The following ZDHHC15 variants were observed in gnomAD, a reference collection of about 807,000 sequenced individuals.
ZDHHC15 encodes the protein palmitoyltransferase ZDHHC15.
Under a neutral mutation model 31.7 loss-of-function variants are expected in ZDHHC15, and 19 were observed. The observed-to-expected ratio is 0.60, with a 90% CI of 0.42 to 0.88. The LOEUF is 0.88. Among genes scored for constraint, ZDHHC15 ranks in the 40% least tolerant of loss-of-function variants. The pLI, the probability that ZDHHC15 is intolerant of heterozygous loss-of-function variation, is 0.00. For synonymous variants in ZDHHC15, 103 were observed against 90.0 expected (o/e 1.14, Z -0.82); for missense variants, 209 against 251.2 (o/e 0.83, Z 1.14).
At chrX:75,453,440 C>T (rs917584157) in intron 3 of ZDHHC15, among the ~76,000 whole-genome samples, 3 of 111,551 alleles carry the variant, frequency 2.7e-5, no homozygotes, top group African/African-American at 9.8e-5. Flanking sequence ...GATGGATTCA[C>T]AGCCAAGTTC....
intron 10 of ZDHHC15, among the ~76,000 whole-genome samples, chrX:75,401,742 C>G (rs1283675726): frequency 9.0e-6 from 1 of 111,700 alleles, no homozygotes; most frequent in Non-Finnish European, 1.9e-5. Flanking sequence ...ATTCATAAAG[C>G]AAGTTCTTAG....
In ZDHHC15 at chrX:75,522,978, C is replaced by A. The variant is rs1243757010; in HGVS notation, c.47G>T (p.Cys16Phe). The A allele has an allele frequency of 2.5e-6, 3 of 1,209,826 alleles. No individual in the cohort carries two copies. In the African/African-American group the frequency reaches 5.2e-5, roughly 21 times the overall value. ...KMALSGGLRCCRRVLSWVPVL... is the reference protein window; with the variant it reads ...KMALSGGLRCFRRVLSWVPVL... ...TGGCACCCAGGACAGTACCCGGCGG[C>A]AGCACCGCAGCCCCCCAGACAGAGC... The change falls in exon 1 of 12, where the codon TGC (cysteine) becomes TTC (phenylalanine). Residue 16 changes from cysteine (C) to phenylalanine (F), a missense_variant. By Grantham distance (205) the Cys-to-Phe change is radical. Coordinates refer to ENST00000373367, the MANE Select transcript of ZDHHC15 (RefSeq NM_144969.3).
chrX:75,407,384 G>A (rs1257777682), intron 10 of ZDHHC15, among the ~76,000 whole-genome samples: 58 of 109,826 alleles, frequency 5.3e-4, no homozygotes, highest in African/African-American at 1.6e-3. Flanking sequence ...CAGCCGCCCC[G>A]TCCAGGAGGT....
chrX:75,487,479 A>T (rs2147999277), intron 2 of ZDHHC15, among the ~76,000 whole-genome samples: 1 of 112,271 alleles, frequency 8.9e-6, no homozygotes, highest in Non-Finnish European at 1.9e-5. Flanking sequence ...TGGAGAAAGA[A>T]GGAGAGCACC....
intron 5 of ZDHHC15, 115 bp from the exon 6 acceptor site, chrX:75,430,095 C>A: frequency 1.3e-6 from 1 of 797,434 alleles, no homozygotes; most frequent in South Asian, 2.8e-5. Flanking sequence ...AACACCCATT[C>A]TCAGATTTCC....
At chrX:75,478,773 C>T (rs894550595) in intron 3 of ZDHHC15, 118 bp downstream of exon 3, 1 of 540,063 alleles carries the variant, frequency 1.9e-6, no homozygotes, top group African/African-American at 2.4e-5. Context: ...ACTAGGAGTT[C>T]TTTAAGATTA....
rs187695618 is a variant in ZDHHC15, at chrX:75,463,292, C to T, written c.259-12370G>A. 2.3e-3 allele frequency among the ~76,000 whole-genome samples: 255 copies of T among 111,012 alleles called. 1 individual carries two copies. The highest frequency in any genetic ancestry group is 2.6e-3 in the Non-Finnish European group (140 of 52,962). On this transcript the variant is annotated intron_variant, in intron 3 of 11. Transcript: ENST00000373367. ...CCTACCAATCAAAAAAAGCCCAGGA[C>T]CAGATGAATTCACAGCTGAATTCTA... is the stretch of plus-strand genomic sequence containing the variant.
chrX:75,384,930 A>G (rs2083164309), intron 10 of ZDHHC15: 4 of 446,958 alleles, frequency 8.9e-6, no homozygotes, highest in African/African-American at 7.4e-5. Flanking sequence ...ACTATCTACT[A>G]TCGCCAATAT....
intron 3 of ZDHHC15, among the ~76,000 whole-genome samples, chrX:75,463,469 A>G (rs1366043899): frequency 9.0e-6 from 1 of 111,028 alleles, no homozygotes; most frequent in Non-Finnish European, 1.9e-5. Context: ...ACAGCAAAAG[A>G]AACTACCATC....
rs1471975737 is a variant in ZDHHC15, at chrX:75,368,613, C to T, written c.*4365G>A. Reference sequence around the variant, plus strand: ...ACTTCTGAGGTCTCCTTTTCTGGCACTCTAATATAGTTCATATATTACCAA... The same window carrying T: ...ACTTCTGAGGTCTCCTTTTCTGGCATTCTAATATAGTTCATATATTACCAA... On this transcript the variant is annotated 3_prime_UTR_variant, in exon 12 of 12. Transcript: ENST00000373367. The T allele has an allele frequency of 9.0e-6, 1 of 111,449 alleles. No individual in the cohort carries two copies. The highest frequency in any genetic ancestry group is 1.9e-5 in the Non-Finnish European group (1 of 53,080). The allele number at this position is 111,449 out of a possible 1,213,427, so 9.2% of individuals were successfully genotyped here.
chrX:75,427,952 C>T (rs1345882230), intron 7 of ZDHHC15, among the ~76,000 whole-genome samples: 1 of 111,386 alleles, frequency 9.0e-6, no homozygotes, highest in East Asian at 2.8e-4. Flanking sequence ...GATCAATGCA[C>T]TGATTAATAA....
chrX:75,450,162 A>C (rs1396077968), intron 4 of ZDHHC15, among the ~76,000 whole-genome samples: 1 of 112,213 alleles, frequency 8.9e-6, no homozygotes, highest in African/African-American at 3.2e-5. Context: ...ATGTTGAATA[A>C]AAGAAGCCAG....
intron 8 of ZDHHC15, among the ~76,000 whole-genome samples, chrX:75,422,516 A>T (rs1018303045): frequency 7.1e-5 from 8 of 112,120 alleles, no homozygotes; most frequent in African/African-American, 2.3e-4. Flanking sequence ...CTAAAATGTC[A>T]ATTGGTGAGC....
Position 75,430,898 on chromosome X carries a change from A to G in ZDHHC15, c.449+553T>C, listed in dbSNP as rs369175108. 1.2e-4 allele frequency among the ~76,000 whole-genome samples: 13 copies of G among 111,558 alleles called. No individual in the cohort carries two copies. The East Asian group carries it at 2.0e-3, about 17-fold the overall frequency. ...ACAAATCTCAATCAAGGGACACTCT[A>G]TGACCTACTTGACCATTAATCCTAA... On this transcript the variant is annotated intron_variant, in intron 5 of 11. Transcript: ENST00000373367.
At chrX:75,498,145 C>T (rs980484908) in intron 2 of ZDHHC15, among the ~76,000 whole-genome samples, 3 of 109,721 alleles carry the variant, frequency 2.7e-5, no homozygotes, top group South Asian at 4.0e-4. Context: ...GTTGGTCAGG[C>T]GGGTCTCAAA....
chrX:75,478,409 G>GTCT (rs1244092457), intron 3 of ZDHHC15, among the ~76,000 whole-genome samples: 1 of 111,130 alleles, frequency 9.0e-6, no homozygotes, highest in Non-Finnish European at 1.9e-5. Flanking sequence ...TTGAGACAGG[G>GTCT]TCTTACTCTG....
At position 75,473,206 on chromosome X, in the gene ZDHHC15, T is replaced by C. The variant is rs777598944; in HGVS notation, c.258+5685A>G. 5.4e-5 allele frequency among the ~76,000 whole-genome samples: 6 copies of C among 112,120 alleles called. No homozygotes were observed. In the East Asian group the frequency reaches 1.1e-3, roughly 21 times the overall value. On this transcript the variant is annotated intron_variant, in intron 3 of 11. Coordinates refer to ENST00000373367, the MANE Select transcript of ZDHHC15 (RefSeq NM_144969.3). ...GGATTGATAGAACAGTGGAATAGCC[T>C]TTTGAAATCACAATTACATGTCAAC...
chrX:75,412,247 T>C (rs1484202083), intron 10 of ZDHHC15, among the ~76,000 whole-genome samples: 1 of 111,361 alleles, frequency 9.0e-6, no homozygotes. Flanking sequence ...AGAACTACTA[T>C]ATGATCTGGC....
intron 4 of ZDHHC15, among the ~76,000 whole-genome samples, chrX:75,447,992 G>A (rs1412361717): frequency 2.7e-5 from 3 of 111,421 alleles, no homozygotes. Flanking sequence ...GGTGAGTGGT[G>A]CCACTTCCAT....
Sources: gnomAD v4.1 joint callset for allele counts (sites outside exome capture counted in the v4.1 genomes callset) on GRCh38, gnomAD v4.1.1 for gene constraint, MANE v1.5 for transcripts, NCBI Gene and HGNC (gene_info 2026-07-23, HGNC 2026-07-21) for gene names.